The following PTPRT variants were observed in gnomAD, a reference collection of about 807,000 sequenced individuals.
The protein encoded by PTPRT is protein tyrosine phosphatase receptor type T.
A neutral mutation model predicts 176.8 loss-of-function variants in PTPRT; 56 were observed. The observed-to-expected ratio is 0.32, with a 90% CI of 0.26 to 0.40. The LOEUF is 0.40. Among genes scored for constraint, PTPRT ranks in the 10% least tolerant of loss-of-function variants. The pLI is 1.00. For missense variants in PTPRT, 1,540 were observed against 1,908.2 expected (o/e 0.81, Z 3.60); for synonymous variants, 783 against 739.0 (o/e 1.06, Z -0.96).
In PTPRT at chr20:42,415,140, T is replaced by C. The variant is rs561738881; in HGVS notation, c.1560+33080A>G. ...ATTAGGTTCAAATCCCAGTTTTGCC[T>C]CTTCTTGCTATGGGACCATAGGCAA... On this transcript the variant is annotated intron_variant, in intron 9 of 30. Transcript: ENST00000373187. 4.6e-5 allele frequency among the ~76,000 whole-genome samples: 7 copies of C among 152,300 alleles called. No homozygotes were observed. In the South Asian group the frequency reaches 6.2e-4, roughly 14 times the overall value.
In PTPRT at chr20:42,617,422, C is replaced by A. The variant is rs529836951; in HGVS notation, c.1153+60444G>T. Among the ~76,000 whole-genome samples, 312 of 129,704 alleles carry A rather than the reference C, an allele frequency of 2.4e-3. 21 individuals are homozygous for A. Among genetic ancestry groups the A allele is most frequent in the East Asian group, 0.014 (71 of 5,060 alleles). The allele number at this position is 129,704 out of a possible 152,430, so 85.1% of individuals were successfully genotyped here. ...TCTCTTTTTTGGTTGTGTCTCTGCC[C>A]GGCTTTGGTATCAGAATGATGCTGG... is the stretch of plus-strand genomic sequence containing the variant. On this transcript the variant is annotated intron_variant, in intron 7 of 30. Coordinates refer to ENST00000373187, the MANE Select transcript of PTPRT (RefSeq NM_007050.6).
intron 9 of PTPRT, among the ~76,000 whole-genome samples, chr20:42,401,787 C>A (rs1261175684): frequency 6.6e-6 from 1 of 152,188 alleles, no homozygotes; most frequent in Non-Finnish European, 1.5e-5. Flanking sequence ...CCAGCCCGAT[C>A]ACCAGCCAAG....
chr20:42,138,430 C>T (rs542093415), intron 18 of PTPRT, among the ~76,000 whole-genome samples: 1 of 152,340 alleles, frequency 6.6e-6, no homozygotes, highest in East Asian at 1.9e-4. Context: ...CCTACGGAAT[C>T]CTTCCTGGTC....
intron 1 of PTPRT, among the ~76,000 whole-genome samples, chr20:43,136,685 G>A (rs2013843186): frequency 1.3e-5 from 2 of 152,058 alleles, no homozygotes; most frequent in African/African-American, 4.8e-5. Flanking sequence ...CCACACCCTT[G>A]GACCTAATGA....
chr20:42,060,041 A>G, the PTPRT span, among the ~76,000 whole-genome samples: 1 of 152,170 alleles, frequency 6.6e-6, no homozygotes, highest in East Asian at 1.9e-4. Flanking sequence ...CAGCTTCCCA[A>G]AGCATCTTTA....
chr20:42,144,627 A>T (rs1467373735), intron 17 of PTPRT, among the ~76,000 whole-genome samples: 1 of 152,206 alleles, frequency 6.6e-6, no homozygotes, highest in Non-Finnish European at 1.5e-5. Context: ...GGGAGTGGGA[A>T]CAGCTATAGA....
chr20:42,201,093 T>C (rs993228217), intron 15 of PTPRT, among the ~76,000 whole-genome samples: 2 of 152,156 alleles, frequency 1.3e-5, no homozygotes, highest in African/African-American at 4.8e-5. Context: ...GCTGGGCAGA[T>C]CACTTGAGCC....
chr20:42,689,399 C>A (rs1413479462), intron 6 of PTPRT, among the ~76,000 whole-genome samples: 1 of 152,202 alleles, frequency 6.6e-6, no homozygotes, highest in African/African-American at 2.4e-5. Context: ...TCCTCCCCTT[C>A]TGGCTCCCCA....
At chr20:42,232,320 A>T (rs996923158) in intron 15 of PTPRT, among the ~76,000 whole-genome samples, 2 of 152,192 alleles carry the variant, frequency 1.3e-5, no homozygotes, top group African/African-American at 4.8e-5. Flanking sequence ...TTCCTATTTT[A>T]TAGATAAGAC....
intron 2 of PTPRT, among the ~76,000 whole-genome samples, chr20:42,867,130 C>T (rs2078759476): frequency 6.6e-6 from 1 of 152,212 alleles, no homozygotes; most frequent in Admixed American, 6.5e-5. Flanking sequence ...TCTAAAGTGA[C>T]TGCAAGGTAG....
At chr20:42,786,415 T>C (rs1325461662) in intron 3 of PTPRT, among the ~76,000 whole-genome samples, 2 of 152,156 alleles carry the variant, frequency 1.3e-5, no homozygotes, top group Non-Finnish European at 2.9e-5. Context: ...TCTCAGAAAG[T>C]GCAAGCTATT....
intron 7 of PTPRT, among the ~76,000 whole-genome samples, chr20:42,677,377 G>C (rs2206427): frequency 0.49 from 74,450 of 151,684 alleles, 20,885 homozygotes; most frequent in African/African-American, 0.78. Context: ...GGGGCACAGT[G>C]AGAGCCAGGA....
intron 1 of PTPRT, among the ~76,000 whole-genome samples, chr20:43,061,087 A>ATGGATGG (rs1987438489): frequency 1.5e-4 from 22 of 149,914 alleles, no homozygotes; most frequent in Non-Finnish European, 2.5e-4. Context: ...CGGATAAATG[A>ATGGATGG]ATGGATGGAT....
intron 2 of PTPRT, among the ~76,000 whole-genome samples, chr20:42,852,479 T>C (rs1341420826): frequency 6.6e-6 from 1 of 152,214 alleles, no homozygotes; most frequent in Non-Finnish European, 1.5e-5. Flanking sequence ...ATTTATTTCG[T>C]ATCTGGTCCC....
intron 1 of PTPRT, among the ~76,000 whole-genome samples, chr20:42,996,041 C>T (rs1403211001): frequency 1.3e-5 from 2 of 152,088 alleles, no homozygotes; most frequent in African/African-American, 4.8e-5. Context: ...CTATGTTGCC[C>T]AGGCTGGTAT....
intron 8 of PTPRT, among the ~76,000 whole-genome samples, chr20:42,471,905 C>G (rs1266402475): frequency 1.3e-5 from 2 of 152,170 alleles, no homozygotes; most frequent in African/African-American, 4.8e-5. Flanking sequence ...ATCCACCTGC[C>G]TCAGCCTCCC....
At chr20:42,566,511 A>T (rs1167135949) in intron 7 of PTPRT, among the ~76,000 whole-genome samples, 1 of 152,172 alleles carries the variant, frequency 6.6e-6, no homozygotes, top group Non-Finnish European at 1.5e-5. Flanking sequence ...GTTTTCACCA[A>T]TGAAATGGGA....
chr20:43,019,599 C>T (rs1017084225), intron 1 of PTPRT, among the ~76,000 whole-genome samples: 1 of 135,228 alleles, frequency 7.4e-6, no homozygotes, highest in African/African-American at 2.9e-5. Flanking sequence ...AGCCTGGCAA[C>T]AGAGCGAGAC....
intron 15 of PTPRT, among the ~76,000 whole-genome samples, chr20:42,212,254 T>G (rs1246247255): frequency 1.4e-5 from 2 of 140,632 alleles, no homozygotes; most frequent in African/African-American, 5.4e-5. Flanking sequence ...ATATGTAACA[T>G]GTAACTAACC....
Sources: gnomAD v4.1 joint callset for allele counts (sites outside exome capture counted in the v4.1 genomes callset) on GRCh38, gnomAD v4.1.1 for gene constraint, MANE v1.5 for transcripts, NCBI Gene and HGNC (gene_info 2026-07-23, HGNC 2026-07-21) for gene names.